Variants in RORA observed in about 807,000 individuals in gnomAD.
The protein encoded by RORA is RAR related orphan receptor A.
Under a neutral mutation model 69.5 loss-of-function variants are expected in RORA, and 7 were observed. The ratio of observed to expected loss-of-function variants is 0.10; its 90% CI spans 0.06 to 0.19. The LOEUF is 0.19. Ranked by LOEUF, RORA falls within the 10% of genes least tolerant of loss-of-function variation. The pLI is 1.00. For missense variants in RORA, 457 were observed against 663.0 expected, an observed-to-expected ratio of 0.69 and a Z score of 3.41; for synonymous variants, 261 against 240.8, an observed-to-expected ratio of 1.08 and a Z score of -0.78.
chr15:61,191,383 A>G (rs1183080970), intron 1 of RORA, among the ~76,000 whole-genome samples: 1 of 149,932 alleles, frequency 6.7e-6, no homozygotes. Context: ...AAAAAAAAAG[A>G]AAGAAATCAG....
intron 2 of RORA, among the ~76,000 whole-genome samples, chr15:60,562,788 G>T (rs76746477): frequency 0.032 from 4,893 of 151,850 alleles, 249 homozygotes; most frequent in African/African-American, 0.11. Context: ...TGTTGCCCAG[G>T]CTGCTCTCAA....
chr15:61,056,818 A>G (rs888092173), intron 1 of RORA, among the ~76,000 whole-genome samples: 8 of 152,228 alleles, frequency 5.3e-5, no homozygotes, highest in Non-Finnish European at 8.8e-5. Context: ...ATAGTCACCA[A>G]TCACTACTTC....
chr15:60,970,221 T>C (rs1402021106), intron 1 of RORA, among the ~76,000 whole-genome samples: 6 of 152,188 alleles, frequency 3.9e-5, no homozygotes, highest in African/African-American at 9.7e-5. Flanking sequence ...ATCTGTAAAA[T>C]GGATACTAAT....
chr15:61,004,893 G>A (rs1894865840), intron 1 of RORA, among the ~76,000 whole-genome samples: 1 of 152,154 alleles, frequency 6.6e-6, no homozygotes, highest in African/African-American at 2.4e-5. Flanking sequence ...GAAAAAGAAA[G>A]ATAATACCAA....
intron 1 of RORA, among the ~76,000 whole-genome samples, chr15:60,800,371 A>T (rs2072561526): frequency 1.3e-5 from 2 of 152,222 alleles, no homozygotes; most frequent in Admixed American, 1.3e-4. Context: ...CCTGGGATTC[A>T]GTTATGAAGC....
rs748239637 is a variant in RORA at position 60,802,427 on chromosome 15, ACT to A, written c.167-123743_167-123742del. Among the ~76,000 whole-genome samples, 71 of 151,696 alleles carry A rather than the reference ACT, an allele frequency of 4.7e-4. 1 individual carries two copies. The highest frequency in any genetic ancestry group is 8.4e-4 in the South Asian group (4 of 4,756). On this transcript the variant is annotated intron_variant, in intron 1 of 10. Transcript: ENST00000335670. The stretch of plus-strand genomic sequence containing the variant: ...AGGCTCATTTCATTTGTTCATTGTG[ACT>A]CTGTCTGGGTGGGAATTCTCCTAAA...
intron 1 of RORA, among the ~76,000 whole-genome samples, chr15:61,205,130 CCAGA>C (rs1342008114): frequency 6.6e-6 from 1 of 152,154 alleles, no homozygotes; most frequent in African/African-American, 2.4e-5. Flanking sequence ...AAGCAGTGAG[CCAGA>C]GAAGAGTCCA....
chr15:60,736,800 A>G (rs937847952), intron 1 of RORA: 6 of 152,200 alleles, frequency 3.9e-5, no homozygotes, highest in African/African-American at 1.4e-4. Context: ...AAGGTGCCCG[A>G]TCTTGTCTGA....
chr15:60,606,953 G>C (rs1280726904), intron 2 of RORA, among the ~76,000 whole-genome samples: 1 of 152,176 alleles, frequency 6.6e-6, no homozygotes, highest in African/African-American at 2.4e-5. Flanking sequence ...GCTTTAAAAA[G>C]CATCCCTTTG....
At chr15:60,774,031 G>C (rs1487460235) in intron 1 of RORA, among the ~76,000 whole-genome samples, 1 of 152,192 alleles carries the variant, frequency 6.6e-6, no homozygotes, top group African/African-American at 2.4e-5. Flanking sequence ...CATAAGTCAG[G>C]AGCATTCAGC....
intron 1 of RORA, among the ~76,000 whole-genome samples, chr15:60,805,752 T>C (rs2072651551): frequency 6.6e-6 from 1 of 152,222 alleles, no homozygotes; most frequent in South Asian, 2.1e-4. Flanking sequence ...ATTCCAGTCC[T>C]GGTTTTGCCA....
At position 60,866,820 on chromosome 15, in the gene RORA, T is replaced by C. The variant is rs528774528; in HGVS notation, c.167-188134A>G. ...GGTGTTCCTGAGTTGTATCTTATCT[T>C]TATCTATCTATCTATCTATCTATCT... On this transcript the variant is annotated intron_variant, in intron 1 of 10. Transcript: ENST00000335670. Among the ~76,000 whole-genome samples, 117 of 146,788 alleles carry C rather than the reference T, an allele frequency of 8.0e-4. 1 individual carries two copies. The highest frequency in any genetic ancestry group is 2.5e-3 in the African/African-American group (99 of 39,574).
Position 60,788,860 on chromosome 15 carries a change from G to A in RORA, c.167-110174C>T, listed in dbSNP as rs143202716. Reference sequence around the variant, plus strand: ...TCTCTCTGCCTGTCTAATTAACTCCGTCACTGTATCTGCAGTCAGATAAAA... The same window carrying A: ...TCTCTCTGCCTGTCTAATTAACTCCATCACTGTATCTGCAGTCAGATAAAA... On this transcript the variant is annotated intron_variant, in intron 1 of 10. Transcript: ENST00000335670. Among the ~76,000 whole-genome samples the A allele has an allele frequency of 2.0e-4, 31 of 152,252 alleles. 1 individual carries two copies. The highest frequency in any genetic ancestry group is 6.5e-4 in the African/African-American group (27 of 41,534).
intron 1 of RORA, among the ~76,000 whole-genome samples, chr15:60,785,974 AGT>A (rs562605326): frequency 0.16 from 18 of 114 alleles, no homozygotes; most frequent in African/African-American, 0.29. Flanking sequence ...GTTGGTACTC[AGT>A]ATAACTATTT....
chr15:60,829,388 CAGG>C (rs1450344254), intron 1 of RORA, among the ~76,000 whole-genome samples: 1 of 152,176 alleles, frequency 6.6e-6, no homozygotes, highest in African/African-American at 2.4e-5. Flanking sequence ...AGGGCCTTTT[CAGG>C]ACCTTTGAGG....
rs745660207 is a variant in RORA at position 60,740,567 on chromosome 15, C to T, written c.167-61881G>A. On this transcript the variant is annotated intron_variant, in intron 1 of 10. Transcript: ENST00000335670. ...CAGAGGTAAATAACAGTAATTCCTT[C>T]GAGAGTGTGCATGCCAGAAATGAAG... Among the ~76,000 whole-genome samples, 5 of 152,062 alleles carry T rather than the reference C, an allele frequency of 3.3e-5. No homozygotes were observed. The East Asian group carries it at 5.8e-4, about 18-fold the overall frequency.
At chr15:60,840,646 G>C (rs341401) in intron 1 of RORA, among the ~76,000 whole-genome samples, 1 of 152,038 alleles carries the variant, frequency 6.6e-6, no homozygotes, top group African/African-American at 2.4e-5. Context: ...CATGTGTCCC[G>C]CCACTGCTAG....
At chr15:60,983,896 A>G (rs1378589330) in intron 1 of RORA, among the ~76,000 whole-genome samples, 4 of 152,214 alleles carry the variant, frequency 2.6e-5, no homozygotes, top group Non-Finnish European at 4.4e-5. Context: ...GGTCATTCAT[A>G]TTTGATTCAG....
chr15:60,912,529 T>C (rs769166657), intron 1 of RORA, among the ~76,000 whole-genome samples: 3 of 152,050 alleles, frequency 2.0e-5, no homozygotes, highest in African/African-American at 7.3e-5. Context: ...CCGAGGCATG[T>C]GGATCACGAG....
Sources: allele counts gnomAD v4.1 joint callset (sites outside exome capture counted in the v4.1 genomes callset), GRCh38; gene constraint gnomAD v4.1.1; transcripts MANE v1.5; gene names NCBI Gene and HGNC (gene_info 2026-07-23, HGNC 2026-07-21).